Variants in OPHN1 observed in about 807,000 individuals in gnomAD.
The protein encoded by OPHN1 is oligophrenin 1, also known as oligophrenin-1.
A neutral mutation model predicts 60.7 loss-of-function variants in OPHN1; 11 were observed. The observed-to-expected ratio is 0.18, with a 90% confidence interval of 0.11 to 0.30. The LOEUF is 0.30. OPHN1 is among the 10% of genes least tolerant of loss of function. The pLI, the probability that OPHN1 is intolerant of heterozygous loss-of-function variation, is 1.00. For synonymous variants in OPHN1, 226 were observed against 222.6 expected (o/e 1.02, Z -0.14); for missense variants, 449 against 611.0 (o/e 0.73, Z 2.80).
At chrX:68,107,087 G>A (rs1284467538) in intron 18 of OPHN1, among the ~76,000 whole-genome samples, 1 of 111,663 alleles carries the variant, frequency 9.0e-6, no homozygotes, top group Admixed American at 9.5e-5. Flanking sequence ...CATCATCAAA[G>A]AATAAGCACA....
chrX:68,107,906 T>C (rs1009610253), intron 18 of OPHN1, among the ~76,000 whole-genome samples: 1 of 112,162 alleles, frequency 8.9e-6, no homozygotes, highest in African/African-American at 3.2e-5. Flanking sequence ...ACTGGAATAA[T>C]GTGAACATCC....
intron 15 of OPHN1, among the ~76,000 whole-genome samples, chrX:68,190,713 G>A (rs2077484388): frequency 1.8e-5 from 2 of 111,890 alleles, no homozygotes; most frequent in Non-Finnish European, 3.8e-5. Flanking sequence ...ATATAAGAGT[G>A]ATACTGGAAA....
At chrX:68,253,742 T>A (rs752585742) in intron 5 of OPHN1, among the ~76,000 whole-genome samples, 8 of 112,253 alleles carry the variant, frequency 7.1e-5, no homozygotes, top group African/African-American at 1.9e-4. Flanking sequence ...AGCAACTCCA[T>A]CTTGGATGCA....
chrX:68,203,930 C>T (rs763064627), intron 10 of OPHN1, among the ~76,000 whole-genome samples: 7 of 112,958 alleles, frequency 6.2e-5, no homozygotes, highest in Non-Finnish European at 1.3e-4. Flanking sequence ...ATTAAAATGT[C>T]CTGTTTTTAT....
chrX:68,425,871 C>G (rs2078852734), intron 2 of OPHN1, among the ~76,000 whole-genome samples: 1 of 85,179 alleles, frequency 1.2e-5, no homozygotes, highest in Non-Finnish European at 2.2e-5. Context: ...CTCTGTAGCC[C>G]AGGCTGGAGT....
chrX:68,252,179 G>T (rs763545344), intron 5 of OPHN1, among the ~76,000 whole-genome samples: 3 of 111,537 alleles, frequency 2.7e-5, no homozygotes, highest in Non-Finnish European at 3.8e-5. Flanking sequence ...CTTGTGGCCT[G>T]AGCCAAGCCC....
At chrX:68,186,027 C>T (rs2077461004) in intron 15 of OPHN1, among the ~76,000 whole-genome samples, 1 of 111,652 alleles carries the variant, frequency 9.0e-6, no homozygotes, top group Non-Finnish European at 1.9e-5. Flanking sequence ...TTTCTCTTTT[C>T]CAGTTGCCTA....
chrX:68,267,052 G>C (rs2077933410), intron 5 of OPHN1, among the ~76,000 whole-genome samples: 1 of 111,510 alleles, frequency 9.0e-6, no homozygotes, highest in African/African-American at 3.3e-5. Flanking sequence ...TCGAGAAAGA[G>C]ACTTAGACTC....
chrX:68,373,976 A>C (rs1417968446), intron 2 of OPHN1, among the ~76,000 whole-genome samples: 1 of 111,918 alleles, frequency 8.9e-6, no homozygotes, highest in East Asian at 2.8e-4. Context: ...ACAAATCTAA[A>C]TATAAAACCT....
intron 2 of OPHN1, among the ~76,000 whole-genome samples, chrX:68,305,779 G>A (rs761690446): frequency 1.8e-5 from 2 of 112,385 alleles, no homozygotes; most frequent in Admixed American, 1.9e-4. Context: ...TATAGAATTA[G>A]TCCAAAAAGT....
intron 2 of OPHN1, among the ~76,000 whole-genome samples, chrX:68,322,484 T>C (rs1030643892): frequency 8.9e-6 from 1 of 112,042 alleles, no homozygotes. Context: ...CATGGAATAC[T>C]ATTCAATAGT....
In OPHN1 at chrX:68,202,528, C is replaced by T. The variant is rs186356232; in HGVS notation, c.934-818G>A. Among the ~76,000 whole-genome samples, 722 of 108,828 alleles carry T rather than the reference C, an allele frequency of 6.6e-3. 7 individuals are homozygous for T. The highest frequency in any genetic ancestry group is 0.023 in the African/African-American group (691 of 29,732). The allele number at this position is 108,828 out of a possible 115,157, so 94.5% of individuals were successfully genotyped here. A position where few individuals can be genotyped will look rare whatever the true frequency, so the allele number is the denominator to read the frequency against. On this transcript the variant is annotated intron_variant, in intron 10 of 24. Transcript: ENST00000355520. ...CATTTTTTTTTTTTTGAGACGTAGT[C>T]TTGCTCTGTCACTCAGACTAGAATA...
In OPHN1 at chrX:68,433,463, C is replaced by A. The variant is rs1041527499; in HGVS notation, c.-300G>T. ...GAGCTGGGAACAGCCTCTCTACAGG[C>A]TCCTCGCTCCGGAGCGAGCGGAAGA... On this transcript the variant is annotated 5_prime_UTR_variant, in exon 1 of 25. Transcript: ENST00000355520. 2 of 272,745 alleles carry A rather than the reference C, an allele frequency of 7.3e-6. No homozygotes were observed. Among genetic ancestry groups the A allele is most frequent in the Non-Finnish European group, 1.3e-5 (2 of 155,489 alleles). The allele number at this position is 272,745 out of a possible 1,213,427, so 22.5% of individuals were successfully genotyped here.
In OPHN1 at chrX:68,346,890, G is replaced by A. The variant is rs754763641; in HGVS notation, c.155-47794C>T. Reference sequence around the variant, plus strand: ...GACAAAGTAAGCTCAATTTCTCTGCGAGAATTCTTTTGGGAAAACAATCTA... The same window carrying A: ...GACAAAGTAAGCTCAATTTCTCTGCAAGAATTCTTTTGGGAAAACAATCTA... On this transcript the variant is annotated intron_variant, in intron 2 of 24. Coordinates refer to ENST00000355520, the MANE Select transcript of OPHN1 (RefSeq NM_002547.3). 8.0e-5 allele frequency among the ~76,000 whole-genome samples: 9 copies of A among 112,246 alleles called. No homozygotes were observed. The East Asian group carries it at 1.7e-3, about 21-fold the overall frequency.
At chrX:68,091,769 A>G (rs2147396956) in intron 19 of OPHN1, among the ~76,000 whole-genome samples, 2 of 111,155 alleles carry the variant, frequency 1.8e-5, no homozygotes, top group Non-Finnish European at 3.8e-5. Context: ...CGGAAAACAG[A>G]AGTCAACCTT....
At chrX:68,193,782 G>A (rs1183720279) in intron 14 of OPHN1, 108 bp downstream of exon 14, 1 of 668,746 alleles carries the variant, frequency 1.5e-6, no homozygotes, top group Non-Finnish European at 2.4e-6. Context: ...TACTACACAA[G>A]CTTTATAAAC....
chrX:68,237,228 A>G, intron 5 of OPHN1, among the ~76,000 whole-genome samples: 1 of 112,178 alleles, frequency 8.9e-6, no homozygotes, highest in Non-Finnish European at 1.9e-5. Context: ...CAGGTAATCC[A>G]CCCACCTCAG....
At chrX:68,262,987 G>A (rs959925530) in intron 5 of OPHN1, among the ~76,000 whole-genome samples, 3 of 111,967 alleles carry the variant, frequency 2.7e-5, no homozygotes, top group East Asian at 2.8e-4. Flanking sequence ...TTAACCATAA[G>A]GAGGTGGTTT....
intron 15 of OPHN1, among the ~76,000 whole-genome samples, chrX:68,163,232 GTACTC>G (rs1304079369): frequency 9.0e-6 from 1 of 111,491 alleles, no homozygotes; most frequent in Non-Finnish European, 1.9e-5. Context: ...CTAATTTAAA[GTACTC>G]TACCTTGGAT....
Sources: allele counts gnomAD v4.1 joint callset (sites outside exome capture counted in the v4.1 genomes callset), GRCh38; gene constraint gnomAD v4.1.1; transcripts MANE v1.5; gene names NCBI Gene and HGNC (gene_info 2026-07-23, HGNC 2026-07-21).